The following UGT1A4 variants were observed in gnomAD, a reference collection of about 807,000 sequenced individuals.
UGT1A4 encodes the protein UDP glucuronosyltransferase family 1 member A4.
UGT1A4 carries 32 observed loss-of-function variants against 41.1 expected under a neutral mutation model. That is an observed-to-expected ratio of 0.78 (90% confidence interval 0.59 to 1.05). The LOEUF is 1.05. Ranked by LOEUF, UGT1A4 falls within the 50% of genes least tolerant of loss-of-function variation. UGT1A4 has a pLI of 0.00. For synonymous variants in UGT1A4, 283 were observed against 265.1 expected (o/e 1.07, Z -0.66); for missense variants, 748 against 677.4 (o/e 1.10, Z -1.16).
intron 1 of UGT1A4, among the ~76,000 whole-genome samples, chr2:233,721,183 C>T (rs1370349767): frequency 6.6e-6 from 1 of 152,264 alleles, no homozygotes; most frequent in South Asian, 2.1e-4. Context: ...GATCAAACCA[C>T]AAGATATTTG....
intron 2 of UGT1A4, 65 bp downstream of exon 2, chr2:233,767,230 G>C: frequency 2.5e-6 from 4 of 1,610,018 alleles, no homozygotes; most frequent in South Asian, 2.2e-5. Context: ...CAGACTTCCA[G>C]CTTCCAGATT....
At chr2:233,752,737 C>A (rs1338142653) in intron 1 of UGT1A4, among the ~76,000 whole-genome samples, 1 of 152,024 alleles carries the variant, frequency 6.6e-6, no homozygotes. Flanking sequence ...AGAGAGAGAC[C>A]CTGTCTCTAA....
chr2:233,772,783 CAGGATGACATGTGCCATTTTTCAG>C lies in UGT1A4; in HGVS notation c.*229_*252del. 7.8e-7 allele frequency: 1 copy of C among 1,277,504 alleles called. No homozygotes were observed. The highest frequency in any genetic ancestry group is 1.0e-6 in the Non-Finnish European group (1 of 966,400). 79.1% of individuals were successfully genotyped at this position (1,277,504 alleles called of 1,614,324 possible). On this transcript the variant is annotated 3_prime_UTR_variant, in exon 5 of 5. Transcript: ENST00000373409. ...TCGTGCCCCCTCTGGTGTCTTTGAT[CAGGATGACATGTGCCATTTTTCAG>C]AGGACGTGCAGACAGGCTGGCATTC... is the stretch of plus-strand genomic sequence containing the variant.
Position 233,746,095 on chromosome 2 carries a change from T to C in UGT1A4, c.868-20939T>C, listed in dbSNP as rs1329833739. On this transcript the variant is annotated intron_variant, in intron 1 of 4. Coordinates refer to ENST00000373409, the MANE Select transcript of UGT1A4 (RefSeq NM_007120.3). Reference sequence around the variant, plus strand: ...GAGGAGTCACTTCTATACAGAAACATGTCCAGAGTGCTTACTGTCTGCAAA... The same window carrying C: ...GAGGAGTCACTTCTATACAGAAACACGTCCAGAGTGCTTACTGTCTGCAAA... Among the ~76,000 whole-genome samples the C allele has an allele frequency of 2.0e-5, 3 of 151,920 alleles. No homozygotes were observed. The East Asian group carries it at 5.8e-4, about 29-fold the overall frequency.
chr2:233,768,250 A>G lies in UGT1A4; in HGVS notation c.1118A>G (p.His373Arg). 1 of 1,614,148 alleles carries G rather than the reference A, an allele frequency of 6.2e-7. No individual in the cohort carries two copies. Among genetic ancestry groups the G allele is most frequent in the South Asian group, 1.1e-5 (1 of 91,078 alleles). ...GHPMTRAFITHAGSHGVYESI... is the reference protein window; with the variant it reads ...GHPMTRAFITRAGSHGVYESI... ...CCGATGACCCGTGCCTTTATCACCC[A>G]TGCTGGTTCCCATGGTGTTTATGAA... The change falls in exon 4 of 5, where the codon CAT becomes CGT. Residue 373 changes from histidine to arginine, a missense_variant. Transcript: ENST00000373409.
intron 1 of UGT1A4, among the ~76,000 whole-genome samples, chr2:233,749,743 T>C (rs1694265349): frequency 1.3e-5 from 2 of 151,904 alleles, no homozygotes; most frequent in Non-Finnish European, 2.9e-5. Context: ...GGTCTCATCA[T>C]AGTGAGTGAG....
intron 1 of UGT1A4, chr2:233,721,920 A>G: frequency 2.5e-6 from 1 of 407,420 alleles, no homozygotes; most frequent in South Asian, 1.9e-5. Context: ...TGCTTCCATA[A>G]AGTGACATCC....
At position 233,719,152 on chromosome 2, in the gene UGT1A4, C is replaced by A; in HGVS notation, c.332C>A (p.Ser111Tyr). Residue 111 changes from serine to tyrosine, a missense_variant, in exon 1 of 5, where the codon TCT (serine) becomes TAT (tyrosine). Ser to Tyr is a moderately radical substitution (Grantham distance 144). Transcript: ENST00000373409. ...FETEHLLKRY[S>Y]RSMAIMNNVS... is the part of the protein sequence containing the mutation. Reference sequence around the variant, plus strand: ...ACAGAACATCTTCTGAAGAGATATTCTAGAAGTATGGCAATTATGAACAAT... The same window carrying A: ...ACAGAACATCTTCTGAAGAGATATTATAGAAGTATGGCAATTATGAACAAT... The A allele has an allele frequency of 6.2e-7, 1 of 1,614,260 alleles. No individual in the cohort carries two copies.
chr2:233,764,150 T>C (rs770421486), intron 1 of UGT1A4, among the ~76,000 whole-genome samples: 21 of 152,376 alleles, frequency 1.4e-4, no homozygotes, highest in Non-Finnish European at 2.4e-4. Flanking sequence ...TCATTTTGGC[T>C]GGTGAAGTCT....
At chr2:233,770,978 T>C (rs1192605361) in intron 4 of UGT1A4, 1 of 152,076 alleles carries the variant, frequency 6.6e-6, no homozygotes, top group Non-Finnish European at 1.5e-5. Flanking sequence ...CAGAAGGCAA[T>C]GCGGGAGCTT....
rs1257445650 is a variant in UGT1A4, at chr2:233,733,217, A to G, written c.867+13530A>G. Among the ~76,000 whole-genome samples, 5 of 152,274 alleles carry G rather than the reference A, an allele frequency of 3.3e-5. 1 individual carries two copies. The highest frequency in any genetic ancestry group is 2.0e-4 in the Admixed American group (3 of 15,300). On this transcript the variant is annotated intron_variant, in intron 1 of 4. Coordinates refer to ENST00000373409, the MANE Select transcript of UGT1A4 (RefSeq NM_007120.3). ...CTTAAGGAGACTTTGGGCTGAGACA[A>G]TGGGGTTTTCTAAATATACAATCAT...
At chr2:233,755,357 TGGGCCGCCTGGA>T in intron 1 of UGT1A4, 1 of 376,616 alleles carries the variant, frequency 2.7e-6, no homozygotes, top group South Asian at 2.2e-5. Context: ...CTTGGCGACC[TGGGCCGCCTGGA>T]GGGCCGCCCC....
At chr2:233,731,724 G>T (rs2078197390) in intron 1 of UGT1A4, among the ~76,000 whole-genome samples, 1 of 152,166 alleles carries the variant, frequency 6.6e-6, no homozygotes, top group Non-Finnish European at 1.5e-5. Context: ...TTGCTATTGT[G>T]AATAGTGCCA....
intron 1 of UGT1A4, among the ~76,000 whole-genome samples, chr2:233,764,876 A>G (rs1378500695): frequency 1.5e-5 from 2 of 134,982 alleles, no homozygotes; most frequent in Non-Finnish European, 3.3e-5. Flanking sequence ...AGCCCAAGGG[A>G]AAAGGCAAAG....
intron 1 of UGT1A4, among the ~76,000 whole-genome samples, chr2:233,736,167 C>T (rs1159152421): frequency 6.6e-6 from 1 of 152,232 alleles, no homozygotes; most frequent in Non-Finnish European, 1.5e-5. Context: ...TAGATTTGGT[C>T]TTTCCACATA....
intron 1 of UGT1A4, among the ~76,000 whole-genome samples, chr2:233,758,732 C>A (rs1469644124): frequency 2.0e-5 from 3 of 152,176 alleles, no homozygotes; most frequent in Non-Finnish European, 4.4e-5. Flanking sequence ...CTAAGCACAT[C>A]CCCAAGTATG....
chr2:233,758,419 A>C (rs1696871413), intron 1 of UGT1A4, among the ~76,000 whole-genome samples: 1 of 152,240 alleles, frequency 6.6e-6, no homozygotes, highest in Non-Finnish European at 1.5e-5. Context: ...TATAATCTGC[A>C]AATGAACTCA....
chr2:233,757,904 G>A (rs539067389), intron 1 of UGT1A4, among the ~76,000 whole-genome samples: 3 of 152,170 alleles, frequency 2.0e-5, no homozygotes, highest in African/African-American at 4.8e-5. Context: ...TTCCATGGAC[G>A]TGTCACTCTT....
At chr2:233,757,106 G>A (rs1294387153) in intron 1 of UGT1A4, among the ~76,000 whole-genome samples, 2 of 151,332 alleles carry the variant, frequency 1.3e-5, no homozygotes, top group African/African-American at 4.9e-5. Flanking sequence ...GAGGGGGCAA[G>A]CAGAAGGGCT....
Sources: allele counts gnomAD v4.1 joint callset (sites outside exome capture counted in the v4.1 genomes callset), GRCh38; gene constraint gnomAD v4.1.1; transcripts MANE v1.5; gene names NCBI Gene and HGNC (gene_info 2026-07-23, HGNC 2026-07-21).